The following POU6F2 variants were observed in gnomAD, a reference collection of about 807,000 sequenced individuals.
POU6F2 encodes POU class 6 homeobox 2.
In POU6F2, 31 loss-of-function variants were observed where a neutral mutation model predicts 71.3. The ratio of observed to expected loss-of-function variants is 0.43; its 90% CI spans 0.33 to 0.59. The LOEUF is 0.59. Ranked by LOEUF, POU6F2 falls within the 20% of genes least tolerant of loss-of-function variation. The probability of loss-of-function intolerance (pLI) is 0.04; values close to 1 mark genes in which losing one functional copy is unlikely to be tolerated. For missense variants in POU6F2, 783 were observed against 856.8 expected (o/e 0.91, Z 1.07); for synonymous variants, 347 against 355.7 (o/e 0.98, Z 0.27).
At chr7:39,190,123 T>C (rs1793630851) in intron 2 of POU6F2, among the ~76,000 whole-genome samples, 1 of 151,666 alleles carries the variant, frequency 6.6e-6, no homozygotes, top group South Asian at 2.1e-4. Flanking sequence ...CTCAATCTCC[T>C]GAGCTCAAGC....
At chr7:38,981,528 A>G (rs1415350984) in intron 1 of POU6F2, among the ~76,000 whole-genome samples, 1 of 152,212 alleles carries the variant, frequency 6.6e-6, no homozygotes, top group Non-Finnish European at 1.5e-5. Context: ...GTTAATAAAA[A>G]CAACAGATGA....
intron 4 of POU6F2, among the ~76,000 whole-genome samples, chr7:39,325,485 G>T (rs922034801): frequency 6.6e-6 from 1 of 152,220 alleles, no homozygotes; most frequent in African/African-American, 2.4e-5. Flanking sequence ...CGATGTGAGA[G>T]AAATTAAAGA....
chr7:39,018,215 C>G (rs1244023563), intron 1 of POU6F2, among the ~76,000 whole-genome samples: 1 of 152,152 alleles, frequency 6.6e-6, no homozygotes. Flanking sequence ...ATGTTCAAAA[C>G]TTCTATCAGG....
At chr7:39,243,362 T>G (rs1483749217) in intron 4 of POU6F2, among the ~76,000 whole-genome samples, 2 of 152,028 alleles carry the variant, frequency 1.3e-5, no homozygotes, top group Admixed American at 1.3e-4. Context: ...CTGCACCCCC[T>G]GCACCCCTTA....
At chr7:39,405,555 G>A (rs1274550772) in intron 5 of POU6F2, among the ~76,000 whole-genome samples, 1 of 152,174 alleles carries the variant, frequency 6.6e-6, no homozygotes, top group Non-Finnish European at 1.5e-5. Context: ...TGTTGTACTT[G>A]AGAGAAACTA....
rs1478507367 is a variant in POU6F2, at chr7:39,406,683, T to A, written c.1056T>A (p.Asn352Lys). The A allele has an allele frequency of 1.9e-6, 3 of 1,613,678 alleles. No homozygotes were observed. Among genetic ancestry groups the A allele is most frequent in the Non-Finnish European group, 2.5e-6 (3 of 1,179,854 alleles). ...TAGCAAGCTCACAGGCCTTTGGCAA[T>A]GCCCTCTCCAGTCTTCAGGGGGTCA... is the stretch of plus-strand genomic sequence containing the variant. ...SSIASSQAFG[N>K]ALSSLQGVTG... The change falls in exon 6 of 10, where the codon AAT becomes AAA. Residue 352 changes from asparagine (N) to lysine (K), a missense_variant. This residue lies in a region of POU6F2 where 572 missense variants were observed against 572.9 expected (regional missense o/e 1.00). Coordinates refer to ENST00000518318, the MANE Select transcript of POU6F2 (RefSeq NM_001370959.1).
chr7:39,039,335 A>G (rs1374595743), intron 1 of POU6F2, among the ~76,000 whole-genome samples: 1 of 151,982 alleles, frequency 6.6e-6, no homozygotes, highest in Non-Finnish European at 1.5e-5. Flanking sequence ...AAATGAATCA[A>G]TGGTAAAAAG....
At chr7:39,064,312 A>T (rs1790714320) in intron 1 of POU6F2, among the ~76,000 whole-genome samples, 1 of 151,994 alleles carries the variant, frequency 6.6e-6, no homozygotes, top group Non-Finnish European at 1.5e-5. Flanking sequence ...TTTCATTGAG[A>T]AAGGGTGCTT....
At chr7:38,997,897 T>G (rs1028635070) in intron 1 of POU6F2, among the ~76,000 whole-genome samples, 3 of 152,214 alleles carry the variant, frequency 2.0e-5, no homozygotes, top group Non-Finnish European at 4.4e-5. Context: ...CCAAGACCCT[T>G]GTTTTAATTC....
chr7:39,244,843 C>T (rs973884667), intron 4 of POU6F2, among the ~76,000 whole-genome samples: 7 of 152,150 alleles, frequency 4.6e-5, no homozygotes, highest in Non-Finnish European at 8.8e-5. Flanking sequence ...ACAGCTGCCC[C>T]TTACCCAGAA....
At chr7:39,327,854 CA>C (rs34503228) in intron 4 of POU6F2, among the ~76,000 whole-genome samples, 434 of 131,470 alleles carry the variant, frequency 3.3e-3, no homozygotes, top group Middle Eastern at 3.8e-3. Flanking sequence ...TAGTTTGTGT[CA>C]AAAAAAAAAA....
At chr7:39,331,076 G>A (rs781240201) in intron 4 of POU6F2, among the ~76,000 whole-genome samples, 9 of 152,096 alleles carry the variant, frequency 5.9e-5, no homozygotes, top group Non-Finnish European at 1.2e-4. Context: ...TAATGTCCTC[G>A]GGGTTCATTT....
intron 1 of POU6F2, among the ~76,000 whole-genome samples, chr7:39,017,362 T>C (rs35047814): frequency 8.5e-5 from 13 of 152,232 alleles, no homozygotes; most frequent in Non-Finnish European, 1.8e-4. Flanking sequence ...GTTTACTTTG[T>C]ACTGCTAAAT....
intron 4 of POU6F2, among the ~76,000 whole-genome samples, chr7:39,317,984 T>G (rs1785306357): frequency 6.6e-6 from 1 of 152,212 alleles, no homozygotes; most frequent in Admixed American, 6.5e-5. Context: ...TCATTTTCCC[T>G]TTCTTCGCAG....
At chr7:39,001,365 T>C (rs6945106) in intron 1 of POU6F2, among the ~76,000 whole-genome samples, 99,362 of 151,918 alleles carry the variant, frequency 0.65, 32,766 homozygotes, top group East Asian at 0.86. Context: ...GGGTCAGGCA[T>C]CTATCCTGGG....
intron 1 of POU6F2, among the ~76,000 whole-genome samples, chr7:39,071,342 C>T (rs575134006): frequency 5.3e-5 from 8 of 151,864 alleles, no homozygotes; most frequent in East Asian, 1.9e-4. Context: ...GGTGGTAATG[C>T]GAGCTATGGG....
chr7:39,304,212 TACC>T (rs1785008799), intron 4 of POU6F2, among the ~76,000 whole-genome samples: 1 of 152,140 alleles, frequency 6.6e-6, no homozygotes, highest in Non-Finnish European at 1.5e-5. Flanking sequence ...GACTGTGAAG[TACC>T]TTTAATATAT....
chr7:39,392,503 C>G (rs1403368206), intron 5 of POU6F2, among the ~76,000 whole-genome samples: 1 of 152,180 alleles, frequency 6.6e-6, no homozygotes, highest in African/African-American at 2.4e-5. Flanking sequence ...CCACAGAACT[C>G]TGGAAGGAGG....
At chr7:39,289,305 T>C (rs998457732) in intron 4 of POU6F2, among the ~76,000 whole-genome samples, 1 of 152,242 alleles carries the variant, frequency 6.6e-6, no homozygotes, top group Non-Finnish European at 1.5e-5. Context: ...CCAGCCTTGC[T>C]ATGAACTCCG....
Sources: allele counts gnomAD v4.1 joint callset (sites outside exome capture counted in the v4.1 genomes callset), GRCh38; gene constraint gnomAD v4.1.1; regional missense constraint gnomAD v4.1.1; transcripts MANE v1.5; gene names NCBI Gene and HGNC (gene_info 2026-07-23, HGNC 2026-07-21).